GDNF: variants seen among roughly 807,000 people sequenced by gnomAD.
GDNF encodes the protein glial cell line-derived neurotrophic factor.
A neutral mutation model predicts 13.7 loss-of-function variants in GDNF; 5 were observed. That is an observed-to-expected ratio of 0.36 (90% CI 0.19 to 0.77). The LOEUF is 0.77. Ranked by LOEUF, GDNF falls within the 30% of genes least tolerant of loss-of-function variation. The pLI is 0.51. For synonymous variants in GDNF, 122 were observed against 112.5 expected (o/e 1.08, Z -0.53); for missense variants, 246 against 274.3 (o/e 0.90, Z 0.73).
intron 2 of GDNF, among the ~76,000 whole-genome samples, chr5:37,817,414 CAAAGA>C (rs1254299881): frequency 6.6e-6 from 1 of 151,974 alleles, no homozygotes. Flanking sequence ...AGAAATAAAC[CAAAGA>C]AGAGTTGTCA....
rs556489721 is a variant in GDNF at position 37,837,113 on chromosome 5, G to A, written c.-26-2291C>T. Among the ~76,000 whole-genome samples, 5 of 152,316 alleles carry A rather than the reference G, an allele frequency of 3.3e-5. No individual in the cohort carries two copies. The South Asian group carries it at 8.3e-4, about 25-fold the overall frequency. On this transcript the variant is annotated intron_variant, in intron 1 of 2. Coordinates refer to ENST00000326524, the MANE Select transcript of GDNF (RefSeq NM_000514.4). This position sits in a 1 kb window ranked among gnomAD's most constrained non-coding sequence, Gnocchi z 6.5. ...CGGTATTTGCTGGGCGGGGGAAAAG[G>A]GGGGAGGTTGGGGGACTCGGCACAC...
In GDNF at chr5:37,839,177, T is replaced by C. The variant is rs549859215; in HGVS notation, c.-27+330A>G. On this transcript the variant is annotated intron_variant, in intron 1 of 2. Coordinates refer to ENST00000326524, the MANE Select transcript of GDNF (RefSeq NM_000514.4). This position sits in a 1 kb window ranked among gnomAD's most constrained non-coding sequence, Gnocchi z 5.5. ...GAAGATGACCCAAGCCCTGAATCGT[T>C]CTGTGACTTGACGGAAGAGCACCTG... 4.4e-4 allele frequency among the ~76,000 whole-genome samples: 67 copies of C among 152,266 alleles called. 1 individual carries two copies. Among genetic ancestry groups the C allele is most frequent in the African/African-American group, 1.5e-3 (63 of 41,556 alleles).
At chr5:37,834,193 C>T (rs900024330) in intron 2 of GDNF, among the ~76,000 whole-genome samples, 1 of 152,230 alleles carries the variant, frequency 6.6e-6, no homozygotes, top group African/African-American at 2.4e-5. Context: ...AAGCCGGCCT[C>T]TCGCCTTGCA....
chr5:37,819,227 A>G (rs1750036218), intron 2 of GDNF, among the ~76,000 whole-genome samples: 1 of 152,128 alleles, frequency 6.6e-6, no homozygotes, highest in African/African-American at 2.4e-5. Flanking sequence ...GCTCCAAAGT[A>G]AACAGCCCAC....
chr5:37,831,515 G>A (rs964175769), intron 2 of GDNF, among the ~76,000 whole-genome samples: 1 of 152,190 alleles, frequency 6.6e-6, no homozygotes, highest in Non-Finnish European at 1.5e-5. Context: ...AATAAATTCA[G>A]ACAACCTTGT....
intron 2 of GDNF, among the ~76,000 whole-genome samples, chr5:37,817,686 G>A (rs1188920612): frequency 6.6e-6 from 1 of 151,926 alleles, no homozygotes; most frequent in Non-Finnish European, 1.5e-5. Context: ...GGAATCCGTA[G>A]AATGCCTAGT....
At chr5:37,818,360 A>G (rs1750005656) in intron 2 of GDNF, among the ~76,000 whole-genome samples, 1 of 152,214 alleles carries the variant, frequency 6.6e-6, no homozygotes, top group South Asian at 2.1e-4. Flanking sequence ...AAGTCTCATG[A>G]GACCTGATTG....
chr5:37,824,511 A>G (rs1174838657), intron 2 of GDNF: 1 of 152,202 alleles, frequency 6.6e-6, no homozygotes, highest in Non-Finnish European at 1.5e-5. Flanking sequence ...GCAGTCCATG[A>G]GAATGGACTC....
rs1011569611 is a variant in GDNF at position 37,838,638 on chromosome 5, C to A, written c.-27+869G>T. On this transcript the variant is annotated intron_variant, in intron 1 of 2. Coordinates refer to ENST00000326524, the MANE Select transcript of GDNF (RefSeq NM_000514.4). This position sits in a 1 kb window ranked among gnomAD's most constrained non-coding sequence, Gnocchi z 4.1. ...TGGGCCCCAGGAAGCTGGCGGGAACCCGCGAAAGTCCGTTTCCAGCCCGAA... is the reference window on the plus strand; with the variant it reads ...TGGGCCCCAGGAAGCTGGCGGGAACACGCGAAAGTCCGTTTCCAGCCCGAA... Among the ~76,000 whole-genome samples, 4 of 152,310 alleles carry A rather than the reference C, an allele frequency of 2.6e-5. No homozygotes were observed. Among genetic ancestry groups the A allele is most frequent in the Non-Finnish European group, 5.9e-5 (4 of 68,040 alleles).
rs1412449511 is a variant in GDNF, at chr5:37,814,509, G to A, written c.*1142C>T. ...AAGGTAAAGTAAGTGATTTTTGCCT[G>A]GCAAAAAACTTTTTAATACTTTGAA... On this transcript the variant is annotated 3_prime_UTR_variant, in exon 3 of 3. Transcript: ENST00000326524. 1.3e-5 allele frequency: 2 copies of A among 152,072 alleles called. No individual in the cohort carries two copies. 9.4% of individuals were successfully genotyped at this position (152,072 alleles called of 1,614,324 possible).
rs375156907 is a variant in GDNF at position 37,816,190 on chromosome 5, C to A, written c.152-55G>T. 23 of 1,595,970 alleles carry A rather than the reference C, an allele frequency of 1.4e-5. 1 individual carries two copies. The African/African-American group carries it at 2.5e-4, about 18-fold the overall frequency. On this transcript the variant is annotated intron_variant, in intron 2 of 2. Coordinates refer to ENST00000326524, the MANE Select transcript of GDNF (RefSeq NM_000514.4). ...ATGAGACAAAATGATCATTTCAAGCCGTCTTCAAGATCAAAGTGCCCCCCT... is the reference window on the plus strand; with the variant it reads ...ATGAGACAAAATGATCATTTCAAGCAGTCTTCAAGATCAAAGTGCCCCCCT...
At chr5:37,828,200 A>T (rs1489325264) in intron 2 of GDNF, among the ~76,000 whole-genome samples, 1 of 152,202 alleles carries the variant, frequency 6.6e-6, no homozygotes, top group African/African-American at 2.4e-5. Context: ...AGATCTGAGA[A>T]CCAGAGTCTC....
rs908721671 is a variant in GDNF at position 37,815,849 on chromosome 5, G to A, written c.438C>T (p.Ser146=). 29 of 1,613,832 alleles carry A rather than the reference G, an allele frequency of 1.8e-5. No homozygotes were observed. Among genetic ancestry groups the A allele is most frequent in the Admixed American group, 5.0e-5 (3 of 59,992 alleles). Residue 146 remains serine (S), a synonymous_variant, in exon 3 of 3, where the codon AGC becomes AGT. Coordinates refer to ENST00000326524, the MANE Select transcript of GDNF (RefSeq NM_000514.4). The surrounding 1 kb of genome is among the most constrained non-coding windows in gnomAD (Gnocchi z 5.0). Reference sequence around the variant, plus strand: ...TTGTCTCAGCTGCATCGCAAGAGCCGCTGCAGTACCTAAAAATCAGTTCCT... The same window carrying A: ...TTGTCTCAGCTGCATCGCAAGAGCCACTGCAGTACCTAAAAATCAGTTCCT... ...TKEELIFRYC[S]GSCDAAETTY...
At chr5:37,823,620 A>G (rs1472509894) in intron 2 of GDNF, among the ~76,000 whole-genome samples, 2 of 151,258 alleles carry the variant, frequency 1.3e-5, no homozygotes, top group Non-Finnish European at 3.0e-5. Flanking sequence ...CCAGACAGAG[A>G]GGCCCCATCT....
chr5:37,820,976 T>C (rs1158162935), intron 2 of GDNF, among the ~76,000 whole-genome samples: 1 of 152,238 alleles, frequency 6.6e-6, no homozygotes, highest in African/African-American at 2.4e-5. Flanking sequence ...AAAATTTACA[T>C]GGATATGAAT....
At chr5:37,822,231 G>A (rs1340869760) in intron 2 of GDNF, among the ~76,000 whole-genome samples, 2 of 152,196 alleles carry the variant, frequency 1.3e-5, no homozygotes, top group Admixed American at 1.3e-4. Flanking sequence ...TCCTGTTCAG[G>A]AGATGTCTTC....
chr5:37,832,772 C>T (rs72747314), intron 2 of GDNF, among the ~76,000 whole-genome samples: 1,802 of 152,324 alleles, frequency 0.012, 26 homozygotes, highest in South Asian at 0.029. Flanking sequence ...GCACATTAGA[C>T]TCATCTGGGG....
At position 37,815,783 on chromosome 5, in the gene GDNF, C is replaced by G; in HGVS notation, c.504G>C (p.Arg168Ser). The G allele has an allele frequency of 6.2e-7, 1 of 1,614,150 alleles. No homozygotes were observed. The highest frequency in any genetic ancestry group is 8.5e-7 in the Non-Finnish European group (1 of 1,180,022). Residue 168 changes from arginine to serine, a missense_variant, in exon 3 of 3, where the codon AGG becomes AGC. Coordinates refer to ENST00000326524, the MANE Select transcript of GDNF (RefSeq NM_000514.4). The surrounding 1 kb of genome is among the most constrained non-coding windows in gnomAD (Gnocchi z 5.0). ...KILKNLSRNR[R>S]LVSDKVGQAC... The stretch of plus-strand genomic sequence containing the variant: ...CCTGCCCTACTTTGTCACTCACCAG[C>G]CTTCTATTTCTGGATAAGTTTTTCA...
chr5:37,815,503 T>A lies in GDNF; in HGVS notation c.*148A>T. On this transcript the variant is annotated 3_prime_UTR_variant, in exon 3 of 3. Coordinates refer to ENST00000326524, the MANE Select transcript of GDNF (RefSeq NM_000514.4). The surrounding 1 kb of genome is among the most constrained non-coding windows in gnomAD (Gnocchi z 5.0). ...ATGGCTGCCTTCCTCCTCCTCCTCC[T>A]CCTCCTCCTCCTCCTCCTCTTCTTC... The A allele has an allele frequency of 5.5e-6, 4 of 731,918 alleles. 1 individual carries two copies. In the South Asian group the frequency reaches 6.6e-5, roughly 12 times the overall value. The allele number at this position is 731,918 out of a possible 1,614,324, so 45.3% of individuals were successfully genotyped here. A position where few individuals can be genotyped will look rare whatever the true frequency, so the allele number is the denominator to read the frequency against.
Sources: allele counts gnomAD v4.1 joint callset (sites outside exome capture counted in the v4.1 genomes callset), GRCh38; gene constraint gnomAD v4.1.1; non-coding constraint Gnocchi (gnomAD v3.1); transcripts MANE v1.5; gene names NCBI Gene and HGNC (gene_info 2026-07-23, HGNC 2026-07-21).